Variants in ADGRA3 observed in about 807,000 individuals in gnomAD.
ADGRA3 encodes the protein G-protein coupled receptor 125.
Under a neutral mutation model 119.8 loss-of-function variants are expected in ADGRA3, and 56 were observed. The observed-to-expected ratio is 0.47, with a 90% confidence interval of 0.38 to 0.58. The LOEUF (loss-of-function observed/expected upper bound fraction) is 0.58, where lower values mean the gene tolerates loss of function less well. Ranked by LOEUF, ADGRA3 falls within the 20% of genes least tolerant of loss-of-function variation. ADGRA3 has a pLI of 0.00. For missense variants in ADGRA3, 1,516 were observed against 1,649.0 expected (o/e 0.92, Z 1.40); for synonymous variants, 607 against 623.8 (o/e 0.97, Z 0.40).
At chr4:22,487,171 T>C (rs1718459235) in intron 1 of ADGRA3, among the ~76,000 whole-genome samples, 2 of 152,146 alleles carry the variant, frequency 1.3e-5, no homozygotes, top group Admixed American at 1.3e-4. Context: ...CATGGTAAAA[T>C]AACTCAAACC....
intron 10 of ADGRA3, among the ~76,000 whole-genome samples, chr4:22,434,496 C>T (rs1174935631): frequency 6.6e-6 from 1 of 152,050 alleles, no homozygotes; most frequent in Non-Finnish European, 1.5e-5. Context: ...GGTTCTCTTT[C>T]CAGGCGTGCC....
rs1243834255 is a variant in ADGRA3, at chr4:22,448,219, G to A, written c.474-708C>T. Among the ~76,000 whole-genome samples the A allele has an allele frequency of 2.0e-5, 3 of 152,148 alleles. 1 individual carries two copies. The highest frequency in any genetic ancestry group is 4.4e-5 in the Non-Finnish European group (3 of 68,044). On this transcript the variant is annotated intron_variant, in intron 4 of 18. Coordinates refer to ENST00000334304, the MANE Select transcript of ADGRA3 (RefSeq NM_145290.4). The stretch of plus-strand genomic sequence containing the variant: ...CCGGACGATGAGCTCTAGAGCTCGG[G>A]GGAGGACGGCCTGTGTGTGTACGCA...
At chr4:22,401,284 G>GTA in intron 16 of ADGRA3, 147 bp downstream of exon 16, 2 of 632,840 alleles carry the variant, frequency 3.2e-6, no homozygotes, top group East Asian at 6.0e-5. Context: ...GAAGTAAACT[G>GTA]GCAGATTGTT....
chr4:22,430,621 A>G (rs1200183521), intron 10 of ADGRA3, among the ~76,000 whole-genome samples: 1 of 152,210 alleles, frequency 6.6e-6, no homozygotes, highest in Non-Finnish European at 1.5e-5. Flanking sequence ...AGCAGAGCAC[A>G]GAAGTTTGGA....
chr4:22,473,009 C>T (rs1278039253), intron 2 of ADGRA3: 1 of 152,278 alleles, frequency 6.6e-6, no homozygotes, highest in African/African-American at 2.4e-5. Context: ...ATAAGCAAAA[C>T]TAGACCTAAT....
chr4:22,406,078 TA>T (rs1327029439), intron 14 of ADGRA3, among the ~76,000 whole-genome samples: 1 of 152,206 alleles, frequency 6.6e-6, no homozygotes, highest in African/African-American at 2.4e-5. Flanking sequence ...TGTCATTCTG[TA>T]CCTGGCTTAT....
chr4:22,421,818 T>G (rs557121295), intron 11 of ADGRA3, among the ~76,000 whole-genome samples: 137 of 140,034 alleles, frequency 9.8e-4, no homozygotes, highest in African/African-American at 3.6e-3. Context: ...GAGGCAGAGG[T>G]TGCAGTGAGC....
chr4:22,438,179 A>C, intron 8 of ADGRA3, 77 bp downstream of exon 8: 1 of 1,252,352 alleles, frequency 8.0e-7, no homozygotes, highest in Non-Finnish European at 1.1e-6. Flanking sequence ...TCAGGACAGG[A>C]AACCAATAAT....
intron 11 of ADGRA3, among the ~76,000 whole-genome samples, chr4:22,422,801 TA>T (rs1426608238): frequency 6.6e-6 from 1 of 152,108 alleles, no homozygotes; most frequent in Non-Finnish European, 1.5e-5. Flanking sequence ...GGATGAGATT[TA>T]AAATGGATCT....
At chr4:22,487,924 A>G (rs530762920) in intron 1 of ADGRA3, among the ~76,000 whole-genome samples, 35 of 152,146 alleles carry the variant, frequency 2.3e-4, no homozygotes, top group Non-Finnish European at 4.4e-4. Context: ...AGCAAAAGGC[A>G]AAAGTGTGGC....
At position 22,413,202 on chromosome 4, in the gene ADGRA3, TAAGG is replaced by T; in HGVS notation, c.2208_2211del (p.Leu737ValfsTer6). ...CATACCATTAAAACTGCATAGTTAC[TAAGG>T]GAGTAGCACTGAATCGTAGTGATAT... On this transcript the variant is annotated frameshift_variant, in exon 14 of 19. Coordinates refer to ENST00000334304, the MANE Select transcript of ADGRA3 (RefSeq NM_145290.4). LOFTEE classifies it high-confidence loss of function. The T allele has an allele frequency of 6.2e-7, 1 of 1,613,400 alleles. No individual in the cohort carries two copies. Among genetic ancestry groups the T allele is most frequent in the Non-Finnish European group, 8.5e-7 (1 of 1,179,368 alleles).
At chr4:22,489,303 C>T (rs757690210) in intron 1 of ADGRA3, among the ~76,000 whole-genome samples, 7 of 151,732 alleles carry the variant, frequency 4.6e-5, no homozygotes, top group Non-Finnish European at 7.4e-5. Context: ...TCCCATAACA[C>T]GTGAAAATTA....
At chr4:22,443,284 G>A (rs1716696111) in intron 6 of ADGRA3, 3 of 467,640 alleles carry the variant, frequency 6.4e-6, no homozygotes, top group South Asian at 4.3e-5. Context: ...GTTCACTCCA[G>A]AAAAATCAGA....
chr4:22,503,296 A>G (rs971823299), intron 1 of ADGRA3, among the ~76,000 whole-genome samples: 6 of 152,222 alleles, frequency 3.9e-5, no homozygotes, highest in Non-Finnish European at 5.9e-5. Context: ...TCCATCTTAA[A>G]CACTGCCCTG....
chr4:22,413,700 G>T lies in ADGRA3; in HGVS notation c.1924C>A (p.Arg642Ser), dbSNP rs146115905. ...SLYKLQLIAF[R>S]NGKLFPATGN... ...GTGGCTGGAAAAAGCTTTCCATTGC[G>T]GAATGCAATGAGTTGAAGCTTGTAA... Residue 642 changes from arginine to serine, a missense_variant, in exon 13 of 19, where the codon CGC becomes AGC. Physicochemically the swap from Arg to Ser is moderately radical, Grantham distance 110 (BLOSUM62 -1). This residue lies in a region of ADGRA3 where 1,088 missense variants were observed against 1,107.1 expected (regional missense o/e 0.98). Transcript: ENST00000334304. The T allele has an allele frequency of 3.2e-5, 51 of 1,613,546 alleles. No homozygotes were observed. Among genetic ancestry groups the T allele is most frequent in the African/African-American group, 5.3e-5 (4 of 74,892 alleles).
intron 1 of ADGRA3, among the ~76,000 whole-genome samples, chr4:22,505,286 C>T (rs764184692): frequency 6.6e-6 from 1 of 152,180 alleles, no homozygotes; most frequent in African/African-American, 2.4e-5. Context: ...AAAAGACCCA[C>T]CAGTCCCTTT....
intron 17 of ADGRA3, among the ~76,000 whole-genome samples, chr4:22,390,264 A>C (rs1340829200): frequency 6.8e-6 from 1 of 147,610 alleles, no homozygotes; most frequent in Non-Finnish European, 1.5e-5. Flanking sequence ...AAATAACCCT[A>C]TTTTGCATCT....
At chr4:22,446,239 G>A (rs1716823833) in intron 5 of ADGRA3, among the ~76,000 whole-genome samples, 1 of 151,902 alleles carries the variant, frequency 6.6e-6, no homozygotes, top group Non-Finnish European at 1.5e-5. Context: ...GAAGGAGGAC[G>A]TGACAGACTC....
intron 17 of ADGRA3, 131 bp from the exon 18 acceptor site, chr4:22,389,314 G>T: frequency 1.5e-6 from 1 of 677,590 alleles, no homozygotes; most frequent in Non-Finnish European, 2.6e-6. Flanking sequence ...AATAAGCTGA[G>T]AGTTAAGTTG....
Sources: gnomAD v4.1 joint callset for allele counts (sites outside exome capture counted in the v4.1 genomes callset) on GRCh38, gnomAD v4.1.1 for gene constraint, gnomAD v4.1.1 regional missense constraint, MANE v1.5 for transcripts, NCBI Gene and HGNC (gene_info 2026-07-23, HGNC 2026-07-21) for gene names.